Variants in SATB2 observed in about 807,000 individuals in gnomAD.
SATB2 encodes SATB homeobox 2, also known as DNA-binding protein SATB2.
A neutral mutation model predicts 73.4 loss-of-function variants in SATB2; 1 was observed. The ratio of observed to expected loss-of-function variants is 0.01; its 90% CI spans 0.00 to 0.06. The LOEUF (loss-of-function observed/expected upper bound fraction) is 0.06. Among genes scored for constraint, SATB2 ranks in the 10% least tolerant of loss-of-function variants. The probability of loss-of-function intolerance (pLI) is 1.00; values close to 1 mark genes in which losing one functional copy is unlikely to be tolerated. For synonymous variants in SATB2, 397 were observed against 367.0 expected, an observed-to-expected ratio of 1.08 and a Z score of -0.93; for missense variants, 459 against 945.8, an observed-to-expected ratio of 0.49 and a Z score of 6.75.
chr2:199,429,281 T>C lies in SATB2; in HGVS notation c.346+4057A>G, dbSNP rs182659568. On this transcript the variant is annotated intron_variant, in intron 3 of 10. Coordinates refer to ENST00000417098, the MANE Select transcript of SATB2 (RefSeq NM_001172509.2). ...GGAAGTAAAATTTGATATTTACTTT[T>C]TTTATTAGAAAAAGAAGAAAATCCC... Among the ~76,000 whole-genome samples the C allele has an allele frequency of 2.0e-5, 3 of 152,276 alleles. No homozygotes were observed. The East Asian group carries it at 5.8e-4, about 29-fold the overall frequency.
intron 10 of SATB2, among the ~76,000 whole-genome samples, chr2:199,287,492 T>C (rs575255640): frequency 6.6e-6 from 1 of 152,064 alleles, no homozygotes; most frequent in Non-Finnish European, 1.5e-5. Context: ...AATCCCTTCA[T>C]AGTATTTATA....
At chr2:199,332,150 T>C (rs1033150349) in intron 7 of SATB2, among the ~76,000 whole-genome samples, 1 of 152,156 alleles carries the variant, frequency 6.6e-6, no homozygotes, top group African/African-American at 2.4e-5. Flanking sequence ...TCAGTAATCA[T>C]ATTAAAATAT....
chr2:199,357,179 C>T (rs1008682386), intron 6 of SATB2, among the ~76,000 whole-genome samples: 7 of 152,142 alleles, frequency 4.6e-5, no homozygotes, highest in Admixed American at 2.6e-4. Context: ...ACTTTCTTAC[C>T]GATAAGTTTC....
chr2:199,385,012 T>C (rs367713453), intron 3 of SATB2, among the ~76,000 whole-genome samples: 5 of 152,332 alleles, frequency 3.3e-5, no homozygotes, highest in East Asian at 3.9e-4. Flanking sequence ...AGGAGGAGTA[T>C]ACATCAATGT....
intron 10 of SATB2, among the ~76,000 whole-genome samples, chr2:199,306,796 C>G (rs1481888101): frequency 6.6e-6 from 1 of 152,104 alleles, no homozygotes; most frequent in Non-Finnish European, 1.5e-5. Flanking sequence ...AACAGACAGG[C>G]ATGGTATAAG....
At position 199,271,824 on chromosome 2, in the gene SATB2, C is replaced by G. The variant is rs1692166423; in HGVS notation, c.*387G>C. The stretch of plus-strand genomic sequence containing the variant: ...TATACATATACACACACACTTGTAG[C>G]TTCCTTCATTTATTTCATAGTTCTT... On this transcript the variant is annotated 3_prime_UTR_variant, in exon 11 of 11. Coordinates refer to ENST00000417098, the MANE Select transcript of SATB2 (RefSeq NM_001172509.2). 3.3e-6 allele frequency: 1 copy of G among 306,002 alleles called. No homozygotes were observed. Among genetic ancestry groups the G allele is most frequent in the Non-Finnish European group, 6.3e-6 (1 of 158,550 alleles). The allele number at this position is 306,002 out of a possible 1,614,324, so 19.0% of individuals were successfully genotyped here.
chr2:199,331,835 TA>T (rs1688199938), intron 7 of SATB2, among the ~76,000 whole-genome samples: 1 of 152,176 alleles, frequency 6.6e-6, no homozygotes, highest in South Asian at 2.1e-4. Flanking sequence ...ATTATCAAGA[TA>T]AGTAAATGTT....
intron 9 of SATB2, among the ~76,000 whole-genome samples, chr2:199,316,892 G>A (rs1442493503): frequency 1.3e-5 from 2 of 152,018 alleles, no homozygotes; most frequent in Non-Finnish European, 2.9e-5. Flanking sequence ...TTCAACGGCA[G>A]AAAGATATTA....
At chr2:199,278,120 G>C (rs894450089) in intron 10 of SATB2, among the ~76,000 whole-genome samples, 1 of 152,148 alleles carries the variant, frequency 6.6e-6, no homozygotes, top group Non-Finnish European at 1.5e-5. Flanking sequence ...GAAGTTATTT[G>C]AGATAAGGTG....
At chr2:199,314,926 G>A (rs778469657) in intron 9 of SATB2, among the ~76,000 whole-genome samples, 7 of 151,992 alleles carry the variant, frequency 4.6e-5, no homozygotes, top group Non-Finnish European at 8.8e-5. Context: ...AGTTGTTGGG[G>A]AAAAGGCTAT....
chr2:199,366,631 GACACACACACAGAC>G (rs989846419), intron 6 of SATB2, among the ~76,000 whole-genome samples: 1 of 151,466 alleles, frequency 6.6e-6, no homozygotes, highest in Admixed American at 6.6e-5. Context: ...TCCTCCTACT[GACACACACACAGAC>G]ACACACACAC....
chr2:199,274,836 G>C lies in SATB2; in HGVS notation c.1741-2164C>G, dbSNP rs550004287. Among the ~76,000 whole-genome samples, 16 of 151,988 alleles carry C rather than the reference G, an allele frequency of 1.1e-4. No individual in the cohort carries two copies. The East Asian group carries it at 2.9e-3, about 28-fold the overall frequency. The stretch of plus-strand genomic sequence containing the variant: ...GCAGGAAAAGCAGAGCTCCAGGGAT[G>C]GGGGGTGGGGGGACTGGTGCTGGTC... On this transcript the variant is annotated intron_variant, in intron 10 of 10. Coordinates refer to ENST00000417098, the MANE Select transcript of SATB2 (RefSeq NM_001172509.2).
intron 5 of SATB2, among the ~76,000 whole-genome samples, chr2:199,378,325 G>A (rs1442729615): frequency 1.3e-5 from 2 of 152,208 alleles, no homozygotes; most frequent in Non-Finnish European, 2.9e-5. Context: ...AGCCCATTTC[G>A]ACTTCCATGT....
At chr2:199,319,492 C>T (rs1225211892) in intron 9 of SATB2, among the ~76,000 whole-genome samples, 1 of 152,082 alleles carries the variant, frequency 6.6e-6, no homozygotes. Context: ...GTCTTTTTCC[C>T]CTTGTCTGTA....
chr2:199,365,928 G>A (rs1689269996), intron 6 of SATB2, among the ~76,000 whole-genome samples: 2 of 152,020 alleles, frequency 1.3e-5, no homozygotes, highest in Admixed American at 6.6e-5. Flanking sequence ...AGATCTATAT[G>A]TGGCAATTTG....
chr2:199,449,910 CAAAGA>C (rs1322726724), intron 2 of SATB2, among the ~76,000 whole-genome samples: 1 of 152,034 alleles, frequency 6.6e-6, no homozygotes, highest in African/African-American at 2.4e-5. Context: ...AAAATTGCTA[CAAAGA>C]AAAGAATAGA....
chr2:199,307,448 C>G (rs1446645), intron 10 of SATB2, among the ~76,000 whole-genome samples: 151,955 of 152,220 alleles, frequency 1, 75,846 homozygotes, highest in Non-Finnish European at 1. Context: ...GTCAGAAAAG[C>G]ACCAAGAAGG....
chr2:199,461,632 T>C (rs553963688), upstream of SATB2, among the ~76,000 whole-genome samples: 1 of 152,372 alleles, frequency 6.6e-6, no homozygotes, highest in South Asian at 2.1e-4. Context: ...AGTTTCCTTC[T>C]AACTGACGTT....
intron 6 of SATB2, among the ~76,000 whole-genome samples, chr2:199,356,498 T>C (rs1418206470): frequency 6.6e-6 from 1 of 152,150 alleles, no homozygotes; most frequent in African/African-American, 2.4e-5. Flanking sequence ...CCCCACCTTA[T>C]GCTCTAAAAC....
Sources: allele counts gnomAD v4.1 joint callset (sites outside exome capture counted in the v4.1 genomes callset), GRCh38; gene constraint gnomAD v4.1.1; transcripts MANE v1.5; gene names NCBI Gene and HGNC (gene_info 2026-07-23, HGNC 2026-07-21).